The following SNRPG variants were observed in gnomAD, a reference collection of about 807,000 sequenced individuals.
The protein encoded by SNRPG is small nuclear ribonucleoprotein polypeptide G, also known as small nuclear ribonucleoprotein G.
Under a neutral mutation model 13.9 loss-of-function variants are expected in SNRPG, and 3 were observed. That is an observed-to-expected ratio of 0.22 (90% CI 0.10 to 0.56). The LOEUF (loss-of-function observed/expected upper bound fraction) is 0.56. SNRPG is among the 20% of genes least tolerant of loss of function. SNRPG has a pLI of 0.93. For synonymous variants in SNRPG, 29 were observed against 29.3 expected, an observed-to-expected ratio of 0.99 and a Z score of 0.03; for missense variants, 34 against 96.1, an observed-to-expected ratio of 0.35 and a Z score of 2.70.
intron 3 of SNRPG, among the ~76,000 whole-genome samples, chr2:70,282,266 A>C (rs1323986084): frequency 6.6e-6 from 1 of 152,002 alleles, no homozygotes; most frequent in Non-Finnish European, 1.5e-5. Flanking sequence ...CCCATCCCTG[A>C]CTCTATGGGA....
chr2:70,293,052 A>C (rs550856290), intron 1 of SNRPG: 3 of 679,088 alleles, frequency 4.4e-6, no homozygotes, highest in South Asian at 1.6e-5. Flanking sequence ...GTTCTTATAT[A>C]GTTTCAACAT....
chr2:70,286,636 A>G (rs1405604180), intron 3 of SNRPG, among the ~76,000 whole-genome samples: 1 of 152,180 alleles, frequency 6.6e-6, no homozygotes, highest in Non-Finnish European at 1.5e-5. Context: ...TTGGGATGGC[A>G]GTGCTTTCAA....
At chr2:70,291,605 G>T (rs1424600157) in intron 1 of SNRPG, among the ~76,000 whole-genome samples, 1 of 152,162 alleles carries the variant, frequency 6.6e-6, no homozygotes, top group Admixed American at 6.5e-5. Flanking sequence ...TGCTACACCA[G>T]AAGGAGGGCA....
chr2:70,283,933 C>A (rs1456486551), intron 3 of SNRPG, among the ~76,000 whole-genome samples: 1 of 152,162 alleles, frequency 6.6e-6, no homozygotes, highest in East Asian at 1.9e-4. Flanking sequence ...TGGTGCACAC[C>A]TGTGGTTCCA....
At chr2:70,283,751 A>G (rs1009390043) in intron 3 of SNRPG, among the ~76,000 whole-genome samples, 3 of 152,216 alleles carry the variant, frequency 2.0e-5, no homozygotes, top group African/African-American at 4.8e-5. Context: ...ATGATAAGGT[A>G]GTAAAGAGCA....
chr2:70,283,112 A>AAC (rs1412509046), intron 3 of SNRPG, among the ~76,000 whole-genome samples: 1 of 147,772 alleles, frequency 6.8e-6, no homozygotes, highest in African/African-American at 2.5e-5. Context: ...AAAAAAAAAA[A>AAC]AAAAAAAAAA....
chr2:70,285,768 G>A (rs1417543475), intron 3 of SNRPG, among the ~76,000 whole-genome samples: 1 of 151,832 alleles, frequency 6.6e-6, no homozygotes, highest in Non-Finnish European at 1.5e-5. Flanking sequence ...TCCCTTTTTT[G>A]TGCTTCAATG....
intron 2 of SNRPG, 87 bp from the exon 3 acceptor site, chr2:70,288,279 T>C: frequency 9.0e-7 from 1 of 1,115,224 alleles, no homozygotes; most frequent in Non-Finnish European, 1.3e-6. Context: ...AAAACACAAG[T>C]ATTTGAGATG....
At chr2:70,287,376 G>T (rs1696969222) in intron 3 of SNRPG, 3 of 698,592 alleles carry the variant, frequency 4.3e-6, no homozygotes, top group Non-Finnish European at 7.8e-6. Flanking sequence ...GTTGTCCTGT[G>T]TTAGACAAAG....
intron 3 of SNRPG, 42 bp downstream of exon 3, chr2:70,288,026 G>A (rs1696985227): frequency 6.2e-7 from 1 of 1,600,522 alleles, no homozygotes. Flanking sequence ...CATTCCAAAA[G>A]AAAAATGAAA....
intron 1 of SNRPG, 23 bp from the exon 2 acceptor site, chr2:70,289,395 AT>A: frequency 7.6e-7 from 1 of 1,314,638 alleles, no homozygotes; most frequent in South Asian, 1.3e-5. Context: ...AAGGGTAAAG[AT>A]TATATAACCA....
chr2:70,288,130 G>A lies in SNRPG; in HGVS notation c.118C>T (p.Leu40Phe), dbSNP rs1696988204. 6.2e-7 allele frequency: 1 copy of A among 1,609,184 alleles called. No individual in the cohort carries two copies. Among genetic ancestry groups the A allele is most frequent in the South Asian group, 1.1e-5 (1 of 90,958 alleles). Residue 40 changes from leucine (L) to phenylalanine (F), a missense_variant, in exon 3 of 4, where the codon CTT becomes TTT. Physicochemically the swap from Leu to Phe is conservative, Grantham distance 22 (BLOSUM62 0). Coordinates refer to ENST00000272348, the MANE Select transcript of SNRPG (RefSeq NM_003096.4). The stretch of plus-strand genomic sequence containing the variant: ...ATCTCCACACATTCATCTATCACAA[G>A]GTTCATAAAGGGATCAAATCCCCGC... ...ILRGFDPFMN[L>F]VIDECVEMAT...
chr2:70,291,056 CACAT>C (rs1181195536), intron 1 of SNRPG, among the ~76,000 whole-genome samples: 130 of 139,082 alleles, frequency 9.3e-4, no homozygotes, highest in Middle Eastern at 3.5e-3. Flanking sequence ...CACACACACA[CACAT>C]ATATGAAGTA....
chr2:70,283,108 A>AAC (rs1553474925), intron 3 of SNRPG, among the ~76,000 whole-genome samples: 2 of 147,056 alleles, frequency 1.4e-5, no homozygotes, highest in African/African-American at 5.1e-5. Flanking sequence ...AAAAAAAAAA[A>AAC]AAAAAAAAAA....
rs375860107 is a variant in SNRPG, at chr2:70,285,533, T to C, written c.180+2535A>G. Among the ~76,000 whole-genome samples, 13 of 152,004 alleles carry C rather than the reference T, an allele frequency of 8.6e-5. No individual in the cohort carries two copies. The South Asian group carries it at 1.2e-3, about 15-fold the overall frequency. ...GTTGCAGTGACCCGAGACCACACCA[T>C]TGCACTCCAGCCTCGGTGACACAGT... On this transcript the variant is annotated intron_variant, in intron 3 of 3. Transcript: ENST00000272348.
intron 1 of SNRPG, 92 bp downstream of exon 1, chr2:70,293,526 G>A (rs1697160622): frequency 9.3e-7 from 1 of 1,080,806 alleles, no homozygotes. Flanking sequence ...GAAGTGAAGC[G>A]GCTCAAGACA....
chr2:70,287,736 A>T, intron 3 of SNRPG: 1 of 399,176 alleles, frequency 2.5e-6, no homozygotes, highest in South Asian at 3.5e-5. Context: ...TTTTAAGAAG[A>T]TTCCCTGGGG....
At chr2:70,293,165 T>G (rs1437292976) in intron 1 of SNRPG, 2 of 702,316 alleles carry the variant, frequency 2.8e-6, no homozygotes, top group Non-Finnish European at 5.2e-6. Flanking sequence ...ACACATTTGC[T>G]AAGACTAAAG....
Position 70,293,251 on chromosome 2 carries a change from G to A in SNRPG, c.32+367C>T, listed in dbSNP as rs1325731825. The A allele has an allele frequency of 8.6e-6, 6 of 701,618 alleles. No homozygotes were observed. In the African/African-American group the frequency reaches 8.7e-5, roughly 10 times the overall value. The allele number at this position is 701,618 out of a possible 1,614,324, so 43.5% of individuals were successfully genotyped here. A position where few individuals can be genotyped will look rare whatever the true frequency, so the allele number is the denominator to read the frequency against. ...TTCCAGCCCCTCCTTAGTTCCTTCA[G>A]AGAATTTCCCCCTCTAGCCGTCTAT... is the stretch of plus-strand genomic sequence containing the variant. On this transcript the variant is annotated intron_variant, in intron 1 of 3. Transcript: ENST00000272348.
Sources: allele counts gnomAD v4.1 joint callset (sites outside exome capture counted in the v4.1 genomes callset), GRCh38; gene constraint gnomAD v4.1.1; transcripts MANE v1.5; gene names NCBI Gene and HGNC (gene_info 2026-07-23, HGNC 2026-07-21).